The following CDKN2B-AS1 variants were observed in gnomAD, a reference collection of about 807,000 sequenced individuals.
The protein encoded by CDKN2B-AS1 is CDKN2B and CDKN2A antisense cis and trans regulatory RNA 1.
In CDKN2B-AS1 at chr9:22,000,953, C is replaced by G. The variant is rs1820893210; in HGVS notation, n.29+5792C>G. ...TACTCTGTTATCCATAGCTCAGTAC[C>G]TAGTATCTGGCGCAGAAAGAAGTGG... On this transcript the variant is annotated intron_variant and non_coding_transcript_variant, in intron 1 of 4. Coordinates refer to ENST00000650946, the Ensembl canonical transcript of CDKN2B-AS1. This position sits in a 1 kb window ranked among gnomAD's most constrained non-coding sequence, Gnocchi z 4.1. 6.6e-6 allele frequency among the ~76,000 whole-genome samples: 1 copy of G among 152,058 alleles called. No homozygotes were observed. Among genetic ancestry groups the G allele is most frequent in the African/African-American group, 2.4e-5 (1 of 41,416 alleles).
intron 1 of CDKN2B-AS1, among the ~76,000 whole-genome samples, chr9:22,040,531 A>G (rs1178651998): frequency 6.6e-6 from 1 of 151,920 alleles, no homozygotes; most frequent in Admixed American, 6.6e-5. Flanking sequence ...AGACTGGGAG[A>G]AGTTTTATGA....
intron 4 of CDKN2B-AS1, among the ~76,000 whole-genome samples, chr9:22,064,403 G>A (rs1823951635): frequency 6.6e-6 from 1 of 152,156 alleles, no homozygotes; most frequent in Non-Finnish European, 1.5e-5. Flanking sequence ...GCTTATTGGG[G>A]ATGGGGTCTT....
chr9:22,098,774 T>C (rs1305847304), intron 4 of CDKN2B-AS1, among the ~76,000 whole-genome samples: 2 of 152,174 alleles, frequency 1.3e-5, no homozygotes, highest in African/African-American at 4.8e-5. Context: ...AGCCCAGAAC[T>C]GGCATCTTCT....
intron 4 of CDKN2B-AS1, among the ~76,000 whole-genome samples, chr9:22,077,211 C>T (rs1173330113): frequency 6.6e-6 from 1 of 151,918 alleles, no homozygotes; most frequent in Non-Finnish European, 1.5e-5. Flanking sequence ...TTGTATCTGG[C>T]ATATTTTACT....
At chr9:22,107,003 C>T (rs1276307700) in intron 4 of CDKN2B-AS1, among the ~76,000 whole-genome samples, 1 of 152,146 alleles carries the variant, frequency 6.6e-6, no homozygotes, top group Non-Finnish European at 1.5e-5. Flanking sequence ...CTAGGATAGT[C>T]TGCATTTCAT....
intron 4 of CDKN2B-AS1, chr9:22,056,500 G>A (rs10120688): frequency 0.5 from 76,217 of 151,762 alleles, 19,726 homozygotes; most frequent in East Asian, 0.69. Context: ...AATAAAGGAC[G>A]GCTAAGTTTA....
rs1820836165 is a variant in CDKN2B-AS1 at position 21,999,598 on chromosome 9, A to G, written n.29+4437A>G. 6.6e-6 allele frequency among the ~76,000 whole-genome samples: 1 copy of G among 152,166 alleles called. No homozygotes were observed. ...CATTTAGATATGTAACTTCAGCTAA[A>G]GCAATTCACTCCTATATAAATTGCT... On this transcript the variant is annotated intron_variant and non_coding_transcript_variant, in intron 1 of 4. Transcript: ENST00000650946. This position sits in a 1 kb window ranked among gnomAD's most constrained non-coding sequence, Gnocchi z 4.7.
intron 4 of CDKN2B-AS1, among the ~76,000 whole-genome samples, chr9:22,083,983 ATC>A (rs1393542172): frequency 3.3e-5 from 5 of 152,186 alleles, no homozygotes; most frequent in African/African-American, 1.2e-4. Flanking sequence ...GTGATCTTAA[ATC>A]TCTTTCTGAC....
chr9:22,067,064 T>A (rs915636837), intron 4 of CDKN2B-AS1, among the ~76,000 whole-genome samples: 1 of 151,766 alleles, frequency 6.6e-6, no homozygotes, highest in African/African-American at 2.4e-5. Flanking sequence ...GGGCCTGTTG[T>A]GGGGTGGGGA....
intron 1 of CDKN2B-AS1, among the ~76,000 whole-genome samples, chr9:22,026,412 G>A (rs1480544152): frequency 1.3e-5 from 2 of 152,082 alleles, no homozygotes; most frequent in Non-Finnish European, 1.5e-5. Context: ...GCTGTGCTGG[G>A]GGATCTCTTT....
At chr9:22,102,737 A>T (rs1825527376) in intron 4 of CDKN2B-AS1, among the ~76,000 whole-genome samples, 2 of 152,152 alleles carry the variant, frequency 1.3e-5, no homozygotes, top group South Asian at 4.1e-4. Context: ...TAGAGTTAAG[A>T]TTTTCTTTTC....
chr9:22,077,939 CA>C (rs1216769894), intron 4 of CDKN2B-AS1: 1 of 152,130 alleles, frequency 6.6e-6, no homozygotes, highest in Non-Finnish European at 1.5e-5. Flanking sequence ...CAATGATTCT[CA>C]AATGCTTACC....
At chr9:22,082,973 C>G (rs903653776) in intron 4 of CDKN2B-AS1, among the ~76,000 whole-genome samples, 10 of 152,150 alleles carry the variant, frequency 6.6e-5, no homozygotes, top group African/African-American at 2.2e-4. Context: ...AGGCCTAATC[C>G]TGGGGTTCTG....
At chr9:22,008,782 C>CT in intron 1 of CDKN2B-AS1, 1 of 1,607,906 alleles carries the variant, frequency 6.2e-7, no homozygotes, top group East Asian at 2.2e-5. Flanking sequence ...CGGCGAGGCC[C>CT]TGGGGCCCCA....
rs977156239 is a variant in CDKN2B-AS1, at chr9:22,002,739, A to T, written n.29+7578A>T. Among the ~76,000 whole-genome samples the T allele has an allele frequency of 5.0e-4, 76 of 152,038 alleles. 4 individuals carry two copies. Among genetic ancestry groups the T allele is most frequent in the Non-Finnish European group, 1.0e-4 (7 of 67,902 alleles). On this transcript the variant is annotated intron_variant and non_coding_transcript_variant, in intron 1 of 4. Coordinates refer to ENST00000650946, the Ensembl canonical transcript of CDKN2B-AS1. ...GGCGTTTGGGGTTTTATCAGTCTCG[A>T]GCTCTCCTCTTGAAACTGTTTCATT...
At chr9:22,061,647 A>G (rs773352476) in intron 4 of CDKN2B-AS1, among the ~76,000 whole-genome samples, 4 of 152,142 alleles carry the variant, frequency 2.6e-5, no homozygotes, top group Non-Finnish European at 5.9e-5. Flanking sequence ...TGGAAACAGG[A>G]ATTAATACTC....
At chr9:22,008,368 T>A (rs1488142628) in intron 1 of CDKN2B-AS1, among the ~76,000 whole-genome samples, 1 of 152,236 alleles carries the variant, frequency 6.6e-6, no homozygotes, top group Admixed American at 6.5e-5. Context: ...TTTCATATAG[T>A]AGCTTAGAAG....
intron 4 of CDKN2B-AS1, among the ~76,000 whole-genome samples, chr9:22,117,316 G>A (rs1825975248): frequency 6.6e-6 from 1 of 152,080 alleles, no homozygotes; most frequent in Non-Finnish European, 1.5e-5. Flanking sequence ...ATTTAACATG[G>A]CCATTTAAAT....
chr9:22,065,910 T>C (rs978130680), intron 4 of CDKN2B-AS1, among the ~76,000 whole-genome samples: 4 of 152,216 alleles, frequency 2.6e-5, no homozygotes, highest in African/African-American at 4.8e-5. Flanking sequence ...TACCCGTAGC[T>C]CTTTGTTCTG....
Sources: gnomAD v4.1 joint callset for allele counts (sites outside exome capture counted in the v4.1 genomes callset) on GRCh38, gnomAD v4.1.1 for gene constraint, Gnocchi (gnomAD v3.1) non-coding constraint, MANE v1.5 for transcripts, NCBI Gene and HGNC (gene_info 2026-07-23, HGNC 2026-07-21) for gene names.